The following RITA1 variants were observed in gnomAD, a reference collection of about 807,000 sequenced individuals.
RITA1 encodes RBPJ-interacting and tubulin-associated protein 1.
A neutral mutation model predicts 8.7 loss-of-function variants in RITA1; 15 were observed. The observed-to-expected ratio is 1.72, with a 90% confidence interval of 1.15 to 2.65. The LOEUF is 2.65. Among genes scored for constraint, RITA1 ranks in the 30% most tolerant of loss-of-function variants. RITA1 has a pLI of 0.00. For synonymous variants in RITA1, 145 were observed against 156.2 expected (o/e 0.93, Z 0.53); for missense variants, 330 against 363.8 (o/e 0.91, Z 0.76).
intron 3 of RITA1, among the ~76,000 whole-genome samples, chr12:113,189,889 TAGC>T (rs1952580968): frequency 1.3e-5 from 2 of 150,568 alleles, no homozygotes; most frequent in Admixed American, 1.3e-4. Flanking sequence ...ATAAAAATAT[TAGC>T]AGGGCATAGT....
chr12:113,192,091 G>A lies in RITA1; in HGVS notation c.*274G>A, dbSNP rs949908714. The A allele has an allele frequency of 7.2e-6, 3 of 414,452 alleles. No individual in the cohort carries two copies. Among genetic ancestry groups the A allele is most frequent in the African/African-American group, 4.0e-5 (2 of 49,512 alleles). The allele number at this position is 414,452 out of a possible 1,614,324, so 25.7% of individuals were successfully genotyped here. A position where few individuals can be genotyped will look rare whatever the true frequency, so the allele number is the denominator to read the frequency against. The stretch of plus-strand genomic sequence containing the variant: ...ACTCCAAATTAGTGCCAACCCAGGG[G>A]CCTGGCACCTCCCACATCATCCATT... On this transcript the variant is annotated 3_prime_UTR_variant, in exon 4 of 4. Transcript: ENST00000548278.
At chr12:113,188,728 A>G (rs1030829202) in intron 3 of RITA1, among the ~76,000 whole-genome samples, 4 of 142,444 alleles carry the variant, frequency 2.8e-5, no homozygotes, top group African/African-American at 1.0e-4. Flanking sequence ...TCTCATAAGG[A>G]CACCAGTTCT....
chr12:113,191,181 G>C lies in RITA1; in HGVS notation c.303-129G>C. The stretch of plus-strand genomic sequence containing the variant: ...CCTCGCTGTAGGTTTCAGACTGGGA[G>C]ACAAGGACTCCTGGGATCTGCAGGC... On this transcript the variant is annotated intron_variant, in intron 3 of 3. Coordinates refer to ENST00000548278, the MANE Select transcript of RITA1 (RefSeq NM_032848.3). The surrounding 1 kb of genome is among the most constrained non-coding windows in gnomAD (Gnocchi z 4.0). 1 of 1,235,922 alleles carries C rather than the reference G, an allele frequency of 8.1e-7. No individual in the cohort carries two copies. The highest frequency in any genetic ancestry group is 1.1e-6 in the Non-Finnish European group (1 of 920,394). The allele number at this position is 1,235,922 out of a possible 1,614,324, so 76.6% of individuals were successfully genotyped here. A position where few individuals can be genotyped will look rare whatever the true frequency, so the allele number is the denominator to read the frequency against.
chr12:113,187,018 C>A lies in RITA1; in HGVS notation c.272C>A (p.Thr91Asn). ...ETTPSRGSTP[T>N]LTPRKKNKYR... The stretch of plus-strand genomic sequence containing the variant: ...ACCCCCTCAAGGGGCAGCACCCCCA[C>A]CCTCACACCAAGGAAGAAGAACAAA... The change falls in exon 3 of 4, where the codon ACC (threonine) becomes AAC (asparagine). Residue 91 changes from threonine to asparagine, a missense_variant. Transcript: ENST00000548278. The A allele has an allele frequency of 6.2e-7, 1 of 1,605,864 alleles. No homozygotes were observed. The highest frequency in any genetic ancestry group is 8.5e-7 in the Non-Finnish European group (1 of 1,176,022).
chr12:113,186,980 G>T lies in RITA1; in HGVS notation c.234G>T (p.Gly78=), dbSNP rs1168922080. The change falls in exon 3 of 4, where the codon GGG becomes GGT. Residue 78 remains glycine, a synonymous_variant. Transcript: ENST00000548278. ...CATCGAAGGCCTTGGGGGCAAAGGGGAGCTGTGAGACCACCCCCTCAAGGG... is the reference window on the plus strand; with the variant it reads ...CATCGAAGGCCTTGGGGGCAAAGGGTAGCTGTGAGACCACCCCCTCAAGGG... The part of the protein sequence containing the change: ...KEASKALGAK[G]SCETTPSRGS... The T allele has an allele frequency of 6.2e-7, 1 of 1,613,028 alleles. No individual in the cohort carries two copies. Among genetic ancestry groups the T allele is most frequent in the East Asian group, 2.2e-5 (1 of 44,878 alleles).
chr12:113,186,048 G>T, intron 1 of RITA1, 27 bp downstream of exon 1: 1 of 1,536,040 alleles, frequency 6.5e-7, no homozygotes, highest in Non-Finnish European at 8.7e-7. Flanking sequence ...AAAATGCAGG[G>T]ACCTCGGGCA....
Position 113,191,906 on chromosome 12 carries a change from C to G in RITA1, c.*89C>G. The G allele has an allele frequency of 6.7e-7, 1 of 1,487,256 alleles. No homozygotes were observed. Among genetic ancestry groups the G allele is most frequent in the Non-Finnish European group, 9.0e-7 (1 of 1,110,656 alleles). 92.1% of individuals were successfully genotyped at this position (1,487,256 alleles called of 1,614,324 possible). A position where few individuals can be genotyped will look rare whatever the true frequency, so the allele number is the denominator to read the frequency against. On this transcript the variant is annotated 3_prime_UTR_variant, in exon 4 of 4. Transcript: ENST00000548278. The surrounding 1 kb of genome is among the most constrained non-coding windows in gnomAD (Gnocchi z 4.0). ...AGGACATTCATCACCCAGGGAACCC[C>G]AGGTATTAAAGAAGCCCCTGTGGGG...
rs147597186 is a variant in RITA1, at chr12:113,190,318, C to T, written c.303-992C>T. The stretch of plus-strand genomic sequence containing the variant: ...CTGCACTCCAGCCTGGGTGACAGAG[C>T]GAGACTCTGTCTCAGAAAAAAAAAG... On this transcript the variant is annotated intron_variant, in intron 3 of 3. Transcript: ENST00000548278. Among the ~76,000 whole-genome samples the T allele has an allele frequency of 2.6e-3, 397 of 150,886 alleles. 6 individuals are homozygous for T. Among genetic ancestry groups the T allele is most frequent in the East Asian group, 8.6e-3 (44 of 5,126 alleles).
rs1566104546 is a variant in RITA1, at chr12:113,186,822, C to CG, written c.79dup (p.Val27GlyfsTer10). 6.2e-7 allele frequency: 1 copy of CG among 1,613,832 alleles called. No individual in the cohort carries two copies. Among genetic ancestry groups the CG allele is most frequent in the Admixed American group, 1.7e-5 (1 of 60,012 alleles). ...TCAGCACCGCTGCCGAGGTGGCTAC[C>CG]GGGTCAAGGCCAGGACGTCATATGT... On this transcript the variant is annotated frameshift_variant, in exon 3 of 4. Coordinates refer to ENST00000548278, the MANE Select transcript of RITA1 (RefSeq NM_032848.3). LOFTEE classifies it high-confidence loss of function.
intron 3 of RITA1, among the ~76,000 whole-genome samples, chr12:113,189,283 A>T (rs1183242974): frequency 6.6e-6 from 1 of 151,936 alleles, no homozygotes; most frequent in Admixed American, 6.6e-5. Context: ...GAGAAATGAA[A>T]TGAGAATGGG....
chr12:113,190,719 A>C (rs1952590696), intron 3 of RITA1, among the ~76,000 whole-genome samples: 1 of 152,262 alleles, frequency 6.6e-6, no homozygotes, highest in Non-Finnish European at 1.5e-5. Flanking sequence ...TGCAAGTGAC[A>C]GAAAACTTAT....
In RITA1 at chr12:113,186,808, G is replaced by C. The variant is rs1260548751; in HGVS notation, c.62G>C (p.Cys21Ser). The C allele has an allele frequency of 1.2e-6, 2 of 1,613,836 alleles. No homozygotes were observed. The highest frequency in any genetic ancestry group is 1.7e-6 in the Non-Finnish European group (2 of 1,179,980). Reference sequence around the variant, plus strand: ...CAGACCCTCGGCCTTCAGCACCGCTGCCGAGGTGGCTACCGGGTCAAGGCC... The same window carrying C: ...CAGACCCTCGGCCTTCAGCACCGCTCCCGAGGTGGCTACCGGGTCAAGGCC... ...GMQTLGLQHRCRGGYRVKART... is the reference protein window; with the variant it reads ...GMQTLGLQHRSRGGYRVKART... The change falls in exon 3 of 4, where the codon TGC (cysteine) becomes TCC (serine). Residue 21 changes from cysteine (C) to serine (S), a missense_variant. Physicochemically the swap from Cys to Ser is moderately radical, Grantham distance 112 (BLOSUM62 -1). Coordinates refer to ENST00000548278, the MANE Select transcript of RITA1 (RefSeq NM_032848.3).
At chr12:113,187,146 A>C in intron 3 of RITA1, 98 bp downstream of exon 3, 1 of 1,292,572 alleles carries the variant, frequency 7.7e-7, no homozygotes, top group Non-Finnish European at 1.0e-6. Context: ...TTGGGCAAGC[A>C]TCTTGACCTC....
chr12:113,190,261 G>T (rs544698366), intron 3 of RITA1, among the ~76,000 whole-genome samples: 1 of 150,800 alleles, frequency 6.6e-6, no homozygotes, highest in East Asian at 2.0e-4. Context: ...GAACCCAGGA[G>T]GCGGAGGTTG....
chr12:113,185,936 C>A lies in RITA1; in HGVS notation c.-282C>A. On this transcript the variant is annotated 5_prime_UTR_variant, in exon 1 of 4. Coordinates refer to ENST00000548278, the MANE Select transcript of RITA1 (RefSeq NM_032848.3). ...CCGGATGCACCGCGCGCCCCCGCGC[C>A]CTCACCGACGGGTCCAGACCTGGTG... 6.6e-7 allele frequency: 1 copy of A among 1,516,320 alleles called. No homozygotes were observed. The highest frequency in any genetic ancestry group is 1.2e-5 in the South Asian group (1 of 83,468). The allele number at this position is 1,516,320 out of a possible 1,614,324, so 93.9% of individuals were successfully genotyped here. A position where few individuals can be genotyped will look rare whatever the true frequency, so the allele number is the denominator to read the frequency against.
rs953898168 is a variant in RITA1, at chr12:113,186,212, C to T, written c.-169C>T. ...TTATAGGTGTGACCTACACATGTGA[C>T]TTCACCTCAGTTTTGTGATCCGTAA... On this transcript the variant is annotated 5_prime_UTR_variant, in exon 2 of 4. Transcript: ENST00000548278. 46 of 1,339,766 alleles carry T rather than the reference C, an allele frequency of 3.4e-5. No individual in the cohort carries two copies. Among genetic ancestry groups the T allele is most frequent in the Non-Finnish European group, 4.5e-5 (45 of 1,005,036 alleles). The allele number at this position is 1,339,766 out of a possible 1,614,324, so 83.0% of individuals were successfully genotyped here. A position where few individuals can be genotyped will look rare whatever the true frequency, so the allele number is the denominator to read the frequency against.
Position 113,191,379 on chromosome 12 carries a change from C to T in RITA1, c.372C>T (p.Phe124=), listed in dbSNP as rs752819746. 35 of 1,597,166 alleles carry T rather than the reference C, an allele frequency of 2.2e-5. No individual in the cohort carries two copies. The highest frequency in any genetic ancestry group is 6.9e-5 in the Admixed American group (4 of 58,282). ...LFGSRSEGAS[F]GAPRMAKGDA... is the part of the protein sequence containing the mutation. ...GCTCCCGATCTGAAGGCGCCAGCTT[C>T]GGGGCCCCGCGGATGGCGAAGGGGG... The change falls in exon 4 of 4, where the codon TTC becomes TTT. Residue 124 remains phenylalanine (F), a synonymous_variant. Coordinates refer to ENST00000548278, the MANE Select transcript of RITA1 (RefSeq NM_032848.3). This position sits in a 1 kb window ranked among gnomAD's most constrained non-coding sequence, Gnocchi z 4.0.
At chr12:113,190,981 A>G (rs1213815805) in intron 3 of RITA1, among the ~76,000 whole-genome samples, 1 of 152,216 alleles carries the variant, frequency 6.6e-6, no homozygotes, top group Non-Finnish European at 1.5e-5. Flanking sequence ...CTGATTGGAC[A>G]GGCTTGGGTC....
rs1952618269 is a variant in RITA1, at chr12:113,192,302, A to G, written c.*485A>G. Reference sequence around the variant, plus strand: ...GCAACTGGGAGATTTGTGAGTGAACACTGTTTCATCTTAATATGCTTCTGA... The same window carrying G: ...GCAACTGGGAGATTTGTGAGTGAACGCTGTTTCATCTTAATATGCTTCTGA... On this transcript the variant is annotated 3_prime_UTR_variant, in exon 4 of 4. Transcript: ENST00000548278. 6.3e-6 allele frequency: 1 copy of G among 158,062 alleles called. No individual in the cohort carries two copies. Among genetic ancestry groups the G allele is most frequent in the South Asian group, 1.9e-4 (1 of 5,184 alleles). The allele number at this position is 158,062 out of a possible 1,614,324, so 9.8% of individuals were successfully genotyped here. A position where few individuals can be genotyped will look rare whatever the true frequency, so the allele number is the denominator to read the frequency against.
Sources: gnomAD v4.1 joint callset for allele counts (sites outside exome capture counted in the v4.1 genomes callset) on GRCh38, gnomAD v4.1.1 for gene constraint, Gnocchi (gnomAD v3.1) non-coding constraint, MANE v1.5 for transcripts, NCBI Gene and HGNC (gene_info 2026-07-23, HGNC 2026-07-21) for gene names.